C11orf16: variants seen among roughly 807,000 people sequenced by gnomAD.
C11orf16 encodes chromosome 11 open reading frame 16.
Under a neutral mutation model 45.1 loss-of-function variants are expected in C11orf16, and 38 were observed. That is an observed-to-expected ratio of 0.84 (90% CI 0.65 to 1.10). The LOEUF is 1.10. Ranked by LOEUF, C11orf16 falls within the 50% of genes least tolerant of loss-of-function variation. The pLI, the probability that C11orf16 is intolerant of heterozygous loss-of-function variation, is 0.00. For synonymous variants in C11orf16, 221 were observed against 222.0 expected (o/e 1.00, Z 0.04); for missense variants, 583 against 569.5 (o/e 1.02, Z -0.24).
intron 4 of C11orf16, 55 bp from the exon 5 acceptor site, chr11:8,926,162 T>C (rs1351780637): frequency 3.5e-6 from 5 of 1,422,816 alleles, no homozygotes; most frequent in African/African-American, 1.4e-5. Flanking sequence ...TCTCCTTTTT[T>C]TTCTTTTTTC....
chr11:8,926,011 T>C lies in C11orf16; in HGVS notation c.656A>G (p.Lys219Arg). 1 of 1,614,178 alleles carries C rather than the reference T, an allele frequency of 6.2e-7. No homozygotes were observed. The highest frequency in any genetic ancestry group is 8.5e-7 in the Non-Finnish European group (1 of 1,180,028). ...CTTGTGCAGCCTCTCCACAGCCTTC[T>C]TCCAGATGGTCAGGGACACCGACTG... ...GVQSVSLTIWKKAVERLHKSF... is the reference protein window; with the variant it reads ...GVQSVSLTIWRKAVERLHKSF... The change falls in exon 5 of 7, where the codon AAG becomes AGG. Residue 219 changes from lysine (K) to arginine (R), a missense_variant. Physicochemically the swap from Lys to Arg is conservative, Grantham distance 26. Coordinates refer to ENST00000326053, the MANE Select transcript of C11orf16 (RefSeq NM_020643.3).
At chr11:8,929,265 G>T in intron 3 of C11orf16, 112 bp downstream of exon 3, 2 of 1,115,788 alleles carry the variant, frequency 1.8e-6, no homozygotes, top group Non-Finnish European at 2.6e-6. Context: ...CCATGGGAGA[G>T]CTGTGCTTAT....
At chr11:8,923,703 A>G (rs963250883) in intron 5 of C11orf16, among the ~76,000 whole-genome samples, 9 of 151,888 alleles carry the variant, frequency 5.9e-5, no homozygotes, top group Non-Finnish European at 7.4e-5. Context: ...TCCCAGCTTC[A>G]ACTGATTCTC....
intron 3 of C11orf16, 142 bp downstream of exon 3, chr11:8,929,235 T>G: frequency 1.2e-6 from 1 of 836,298 alleles, no homozygotes; most frequent in Non-Finnish European, 1.8e-6. Context: ...TGGTATTACA[T>G]GTTCACTTCT....
intron 5 of C11orf16, 65 bp downstream of exon 5, chr11:8,925,397 GT>G: frequency 7.0e-7 from 1 of 1,421,168 alleles, no homozygotes; most frequent in Non-Finnish European, 9.6e-7. Flanking sequence ...TAAGGGACAT[GT>G]GGGAGGGAAG....
chr11:8,920,692 G>C (rs2064565474), intron 6 of C11orf16, among the ~76,000 whole-genome samples: 1 of 152,154 alleles, frequency 6.6e-6, no homozygotes, highest in African/African-American at 2.4e-5. Context: ...GTGGTGGCAT[G>C]TGCCTAGCTA....
In C11orf16 at chr11:8,925,797, CGTGCCACATG is replaced by C; in HGVS notation, c.860_869del (p.Pro287ArgfsTer6). 1.9e-6 allele frequency: 3 copies of C among 1,614,212 alleles called. No individual in the cohort carries two copies. The highest frequency in any genetic ancestry group is 2.5e-6 in the Non-Finnish European group (3 of 1,180,052). The stretch of plus-strand genomic sequence containing the variant: ...AGGTCCTGGTTAGAGGCCACCAAGT[CGTGCCACATG>C]GCGGGCAGCCACAGAGGCAGCCCTG... On this transcript the variant is annotated frameshift_variant, in exon 5 of 7. Coordinates refer to ENST00000326053, the MANE Select transcript of C11orf16 (RefSeq NM_020643.3). LOFTEE classifies it high-confidence loss of function.
In C11orf16 at chr11:8,920,180, C is replaced by G; in HGVS notation, c.*293G>C. ...TGGCTGTGGACACATTTGCCCAAAG[C>G]AGGCTGACCCCCTCTTCCACGGAAG... On this transcript the variant is annotated 3_prime_UTR_variant, in exon 7 of 7. Transcript: ENST00000326053. 1 of 370,204 alleles carries G rather than the reference C, an allele frequency of 2.7e-6. No homozygotes were observed. Among genetic ancestry groups the G allele is most frequent in the Non-Finnish European group, 4.8e-6 (1 of 208,446 alleles). The allele number at this position is 370,204 out of a possible 1,614,324, so 22.9% of individuals were successfully genotyped here. A position where few individuals can be genotyped will look rare whatever the true frequency, so the allele number is the denominator to read the frequency against.
chr11:8,929,204 C>CTA (rs1566113782), intron 3 of C11orf16, 173 bp downstream of exon 3: 1 of 636,766 alleles, frequency 1.6e-6, no homozygotes, highest in Non-Finnish European at 2.5e-6. Flanking sequence ...TTAGGGAGCC[C>CTA]TAGCAAACTA....
intron 2 of C11orf16, among the ~76,000 whole-genome samples, chr11:8,930,553 G>A (rs1470110991): frequency 6.6e-6 from 1 of 152,024 alleles, no homozygotes; most frequent in Non-Finnish European, 1.5e-5. Context: ...GCCACTTGAT[G>A]CTGTGGGGTC....
chr11:8,920,570 C>T (rs908146346), intron 6 of C11orf16, 120 bp from the exon 7 acceptor site: 16 of 528,814 alleles, frequency 3.0e-5, no homozygotes, highest in Non-Finnish European at 5.0e-5. Context: ...ACCTGTAATC[C>T]CAACATTTTG....
chr11:8,932,136 AG>A lies in C11orf16; in HGVS notation c.167+5del. 1 of 1,572,524 alleles carries A rather than the reference AG, an allele frequency of 6.4e-7. No homozygotes were observed. Among genetic ancestry groups the A allele is most frequent in the Non-Finnish European group, 8.6e-7 (1 of 1,159,560 alleles). ...CCACTTCCCCCAGAGGGGCAGAGAC[AG>A]GTACCTTGCAAGGGGCTTGTGCCCG... On this transcript the variant is annotated splice_donor_5th_base_variant and intron_variant, in intron 2 of 6. Coordinates refer to ENST00000326053, the MANE Select transcript of C11orf16 (RefSeq NM_020643.3).
At chr11:8,926,173 T>A in intron 4 of C11orf16, 66 bp from the exon 5 acceptor site, 3 of 1,355,006 alleles carry the variant, frequency 2.2e-6, no homozygotes, top group Non-Finnish European at 3.0e-6. Context: ...TTCTTTTTTC[T>A]TTTTTTCTTT....
Position 8,930,715 on chromosome 11 carries a change from C to T in C11orf16, c.168-1182G>A, listed in dbSNP as rs372482430. Among the ~76,000 whole-genome samples the T allele has an allele frequency of 1.2e-4, 19 of 152,200 alleles. No individual in the cohort carries two copies. In the South Asian group the frequency reaches 3.9e-3, roughly 32 times the overall value. On this transcript the variant is annotated intron_variant, in intron 2 of 6. Coordinates refer to ENST00000326053, the MANE Select transcript of C11orf16 (RefSeq NM_020643.3). ...GTCAGGGTTTGGGTTTTTGAAGAAG[C>T]CATTTTACTTTGTGGGCAAGGCTGA...
At position 8,921,375 on chromosome 11, in the gene C11orf16, C is replaced by T. The variant is rs1380911402; in HGVS notation, c.1345G>A (p.Glu449Lys). 1 of 1,614,236 alleles carries T rather than the reference C, an allele frequency of 6.2e-7. No homozygotes were observed. Among genetic ancestry groups the T allele is most frequent in the Non-Finnish European group, 8.5e-7 (1 of 1,180,048 alleles). ...AGGCTCTGACTCCGCTTTCTGTGTT[C>T]AGCTTCCCCTGGCGGGGTCCGCGGT... ...KPPRTPPGEA[E>K]HRKRSQSLAI... Residue 449 changes from glutamate to lysine, a missense_variant, in exon 6 of 7, where the codon GAA becomes AAA. By Grantham distance (56) the Glu-to-Lys change is moderately conservative (BLOSUM62 1). Transcript: ENST00000326053.
chr11:8,930,802 T>A (rs2134839773), intron 2 of C11orf16, among the ~76,000 whole-genome samples: 1 of 152,266 alleles, frequency 6.6e-6, no homozygotes, highest in Non-Finnish European at 1.5e-5. Flanking sequence ...ACCCAGGCTG[T>A]TCGTGCTGAG....
At chr11:8,924,402 T>C (rs1045540596) in intron 5 of C11orf16, among the ~76,000 whole-genome samples, 2 of 152,096 alleles carry the variant, frequency 1.3e-5, no homozygotes, top group Non-Finnish European at 2.9e-5. Context: ...GGCATGCACC[T>C]ATAATCCCAG....
intron 3 of C11orf16, among the ~76,000 whole-genome samples, chr11:8,928,495 T>C (rs1304896858): frequency 6.6e-6 from 1 of 152,130 alleles, no homozygotes; most frequent in African/African-American, 2.4e-5. Context: ...CAAAGTACTT[T>C]TAAAGTACAC....
intron 5 of C11orf16, among the ~76,000 whole-genome samples, chr11:8,924,636 G>T (rs1308513408): frequency 6.6e-6 from 1 of 152,184 alleles, no homozygotes. Flanking sequence ...GGGACCCCCA[G>T]TGGGTCCCAG....
Sources: gnomAD v4.1 joint callset for allele counts (sites outside exome capture counted in the v4.1 genomes callset) on GRCh38, gnomAD v4.1.1 for gene constraint, MANE v1.5 for transcripts, NCBI Gene and HGNC (gene_info 2026-07-23, HGNC 2026-07-21) for gene names.